MTA3: variants seen among roughly 807,000 people sequenced by gnomAD.
The protein encoded by MTA3 is metastasis-associated protein MTA3.
In MTA3, 34 loss-of-function variants were observed where a neutral mutation model predicts 83.5. The observed-to-expected ratio is 0.41, with a 90% CI of 0.31 to 0.54. MTA3 has a LOEUF of 0.54. MTA3 is among the 20% of genes least tolerant of loss of function. MTA3 has a pLI of 0.33. For synonymous variants in MTA3, 303 were observed against 252.7 expected (o/e 1.20, Z -1.89); for missense variants, 761 against 726.4 (o/e 1.05, Z -0.55).
intron 5 of MTA3, among the ~76,000 whole-genome samples, chr2:42,641,443 C>G (rs996543608): frequency 6.6e-6 from 1 of 151,918 alleles, no homozygotes; most frequent in African/African-American, 2.4e-5. Context: ...TTAGTCTGTC[C>G]CACAGAATGA....
At chr2:42,676,723 G>A (rs566119560) in intron 8 of MTA3, among the ~76,000 whole-genome samples, 1 of 152,306 alleles carries the variant, frequency 6.6e-6, no homozygotes, top group East Asian at 1.9e-4. Context: ...CTGAGATCAT[G>A]CCACTGCACT....
chr2:42,512,721 G>T (rs777373128), intron 2 of MTA3, among the ~76,000 whole-genome samples: 9 of 152,278 alleles, frequency 5.9e-5, no homozygotes, highest in Middle Eastern at 3.4e-3. Flanking sequence ...TTTAGACCAT[G>T]TCAAGGGATT....
intron 10 of MTA3, 41 bp from the exon 11 acceptor site, chr2:42,697,735 A>T: frequency 7.7e-7 from 1 of 1,298,486 alleles, no homozygotes; most frequent in Non-Finnish European, 1.1e-6. Context: ...AGTAATAATT[A>T]GGCATTGCAT....
intron 2 of MTA3, among the ~76,000 whole-genome samples, chr2:42,515,374 G>C (rs1224316658): frequency 6.6e-6 from 1 of 151,704 alleles, no homozygotes; most frequent in Non-Finnish European, 1.5e-5. Flanking sequence ...TATTTTTTGA[G>C]ATGGCATCTA....
chr2:42,512,033 TAAATA>T (rs982288932), intron 2 of MTA3, among the ~76,000 whole-genome samples: 16 of 150,906 alleles, frequency 1.1e-4, no homozygotes, highest in African/African-American at 3.4e-4. Context: ...AATAAATAAA[TAAATA>T]AAATAAAATA....
At chr2:42,589,639 G>A (rs1680734025) in intron 3 of MTA3, among the ~76,000 whole-genome samples, 1 of 152,114 alleles carries the variant, frequency 6.6e-6, no homozygotes, top group Non-Finnish European at 1.5e-5. Flanking sequence ...TGCAACCTCT[G>A]CCTTCCAGGT....
chr2:42,610,346 C>T (rs1684036120), intron 4 of MTA3, among the ~76,000 whole-genome samples: 1 of 152,162 alleles, frequency 6.6e-6, no homozygotes, highest in Admixed American at 6.5e-5. Flanking sequence ...TTGAGGATCA[C>T]TGGGATGAAA....
At chr2:42,685,596 A>G (rs1435887198) in intron 9 of MTA3, among the ~76,000 whole-genome samples, 2 of 152,200 alleles carry the variant, frequency 1.3e-5, no homozygotes, top group East Asian at 3.8e-4. Flanking sequence ...AACCTAAATT[A>G]TACCCAGAAT....
At chr2:42,543,507 CG>C (rs1676615132) in intron 2 of MTA3, among the ~76,000 whole-genome samples, 4 of 151,946 alleles carry the variant, frequency 2.6e-5, no homozygotes, top group Admixed American at 2.6e-4. Flanking sequence ...TTGTTTGAGA[CG>C]GGGTCTCACT....
upstream of MTA3, among the ~76,000 whole-genome samples, chr2:42,565,124 C>T (rs965354645): frequency 6.6e-6 from 1 of 151,988 alleles, no homozygotes; most frequent in Admixed American, 6.6e-5. Flanking sequence ...AAAACTCCAT[C>T]CCTACGTTGA....
At chr2:42,708,279 G>T (rs1221460477) in intron 13 of MTA3, among the ~76,000 whole-genome samples, 1 of 152,152 alleles carries the variant, frequency 6.6e-6, no homozygotes, top group African/African-American at 2.4e-5. Flanking sequence ...AATGAGTGTG[G>T]GAGATGTTAG....
intron 3 of MTA3, among the ~76,000 whole-genome samples, chr2:42,609,032 ATTTTTT>A (rs11460512): frequency 1.5e-5 from 2 of 136,048 alleles, no homozygotes. Context: ...TAAATGTTTA[ATTTTTT>A]TTTTTTTTTT....
chr2:42,501,345 A>G (rs1396411309), intron 2 of MTA3, among the ~76,000 whole-genome samples: 3 of 152,152 alleles, frequency 2.0e-5, no homozygotes, highest in Non-Finnish European at 4.4e-5. Flanking sequence ...TTCCTTTCCT[A>G]GTAGAGAAGA....
At chr2:42,554,322 C>G (rs1199521161) in intron 2 of MTA3, among the ~76,000 whole-genome samples, 2 of 152,222 alleles carry the variant, frequency 1.3e-5, no homozygotes, top group South Asian at 2.1e-4. Context: ...TCCCAGAACT[C>G]CGTTTCATTT....
At chr2:42,686,233 A>G (rs1163951942) in intron 9 of MTA3, among the ~76,000 whole-genome samples, 1 of 152,240 alleles carries the variant, frequency 6.6e-6, no homozygotes, top group Non-Finnish European at 1.5e-5. Context: ...TGTAGAAGGC[A>G]CATATTTGGG....
rs192266883 is a variant in MTA3, at chr2:42,599,924, T to C, written c.191-9534T>C. Among the ~76,000 whole-genome samples the C allele has an allele frequency of 1.9e-3, 293 of 151,992 alleles. 2 individuals carry two copies. Among genetic ancestry groups the C allele is most frequent in the African/African-American group, 6.7e-3 (277 of 41,462 alleles). On this transcript the variant is annotated intron_variant, in intron 3 of 16. Transcript: ENST00000405094. ...AAAAAACTTGCTTATGGGCCAGGCA[T>C]GGTGGCTCACGCTTGTAATCCCAGC...
intron 5 of MTA3, among the ~76,000 whole-genome samples, chr2:42,643,369 A>C (rs1248250262): frequency 1.6e-4 from 25 of 152,120 alleles, no homozygotes; most frequent in Admixed American, 1.6e-3. Context: ...TGGTTCAGAT[A>C]ATCTCTAGTG....
intron 2 of MTA3, among the ~76,000 whole-genome samples, chr2:42,519,308 A>T (rs1226144941): frequency 6.6e-6 from 1 of 152,124 alleles, no homozygotes; most frequent in Non-Finnish European, 1.5e-5. Flanking sequence ...CAAGGTTATT[A>T]AAAAAACAAG....
At position 42,736,353 on chromosome 2, in the gene MTA3, C is replaced by T. The variant is rs529687667; in HGVS notation, c.1759+13318C>T. On this transcript the variant is annotated intron_variant, in intron 16 of 16. Coordinates refer to ENST00000405094, the MANE Select transcript of MTA3 (RefSeq NM_001330442.2). ...GATGATGACACAAGCACCCCTGTGG[C>T]GACTACCACTGGGACAGCTCTGTGT... 1.3e-4 allele frequency among the ~76,000 whole-genome samples: 20 copies of T among 152,262 alleles called. No individual in the cohort carries two copies. In the South Asian group the frequency reaches 1.9e-3, roughly 14 times the overall value.
Sources: allele counts gnomAD v4.1 joint callset (sites outside exome capture counted in the v4.1 genomes callset), GRCh38; gene constraint gnomAD v4.1.1; transcripts MANE v1.5; gene names NCBI Gene and HGNC (gene_info 2026-07-23, HGNC 2026-07-21).